PCSK5: variants seen among roughly 807,000 people sequenced by gnomAD.
PCSK5 encodes prohormone convertase 5.
Under a neutral mutation model 233.2 loss-of-function variants are expected in PCSK5, and 129 were observed. That is an observed-to-expected ratio of 0.55 (90% CI 0.48 to 0.64). PCSK5 has a LOEUF of 0.64. Ranked by LOEUF, PCSK5 falls within the 30% of genes least tolerant of loss-of-function variation. The probability of loss-of-function intolerance (pLI) is 0.00; values close to 1 mark genes in which losing one functional copy is unlikely to be tolerated. For synonymous variants in PCSK5, 825 were observed against 879.2 expected, an observed-to-expected ratio of 0.94 and a Z score of 1.09; for missense variants, 2,076 against 2,430.1, an observed-to-expected ratio of 0.85 and a Z score of 3.06.
chr9:76,295,467 A>C lies in PCSK5; in HGVS notation c.3322+56A>C. 3.2e-6 allele frequency: 5 copies of C among 1,546,582 alleles called. No individual in the cohort carries two copies. In the South Asian group the frequency reaches 5.7e-5, roughly 18 times the overall value. ...AGAACCAGGCACTGGAGCTCCACAC[A>C]GTCGGGGCCACAGGAGCGCACATGT... On this transcript the variant is annotated intron_variant, in intron 26 of 37. Coordinates refer to ENST00000674117, the MANE Select transcript of PCSK5 (RefSeq NM_001372043.1).
chr9:76,278,097 G>T (rs12335946), intron 24 of PCSK5, among the ~76,000 whole-genome samples: 5,582 of 152,250 alleles, frequency 0.037, 333 homozygotes, highest in African/African-American at 0.13. Flanking sequence ...GGGTGGACAT[G>T]CTGCTGCTAC....
chr9:75,918,061 T>A (rs183398390), intron 1 of PCSK5, among the ~76,000 whole-genome samples: 28 of 152,342 alleles, frequency 1.8e-4, no homozygotes, highest in Non-Finnish European at 2.6e-4. Flanking sequence ...TAACTATACT[T>A]CTTCTAATAC....
At chr9:76,262,220 C>A (rs984310625) in intron 24 of PCSK5, among the ~76,000 whole-genome samples, 1 of 152,066 alleles carries the variant, frequency 6.6e-6, no homozygotes, top group Non-Finnish European at 1.5e-5. Flanking sequence ...TTTATAGATT[C>A]AATGCCATCC....
intron 2 of PCSK5, among the ~76,000 whole-genome samples, chr9:75,982,357 G>T (rs757883846): frequency 2.0e-5 from 3 of 152,010 alleles, no homozygotes; most frequent in African/African-American, 7.2e-5. Context: ...TACTTCTTTC[G>T]TCCTTTTTAA....
chr9:76,118,497 C>T (rs188967920), intron 9 of PCSK5, among the ~76,000 whole-genome samples: 5 of 152,096 alleles, frequency 3.3e-5, no homozygotes, highest in African/African-American at 9.6e-5. Flanking sequence ...GAGCCTTTTT[C>T]ATCACAGTGG....
At chr9:75,975,339 A>C (rs572437279) in intron 2 of PCSK5, among the ~76,000 whole-genome samples, 1 of 152,112 alleles carries the variant, frequency 6.6e-6, no homozygotes, top group African/African-American at 2.4e-5. Context: ...CTCTCCATAG[A>C]AATATAGCTT....
At chr9:75,976,219 C>A (rs1826005689) in intron 2 of PCSK5, among the ~76,000 whole-genome samples, 2 of 151,514 alleles carry the variant, frequency 1.3e-5, no homozygotes, top group African/African-American at 2.4e-5. Flanking sequence ...TCATCACTGG[C>A]TTTTCCTGTT....
intron 2 of PCSK5, among the ~76,000 whole-genome samples, chr9:75,935,979 A>T (rs1824038133): frequency 6.6e-6 from 1 of 152,128 alleles, no homozygotes; most frequent in South Asian, 2.1e-4. Context: ...TTGGTTCTGG[A>T]CCTCTTCAAT....
chr9:76,033,596 TC>T (rs2131511119), intron 5 of PCSK5, among the ~76,000 whole-genome samples: 1 of 151,754 alleles, frequency 6.6e-6, no homozygotes, highest in East Asian at 1.9e-4. Context: ...AAAAAAAAAA[TC>T]TGACACTTTC....
At chr9:75,924,731 T>G (rs1271682331) in intron 1 of PCSK5, among the ~76,000 whole-genome samples, 2 of 152,226 alleles carry the variant, frequency 1.3e-5, no homozygotes, top group African/African-American at 4.8e-5. Context: ...GTACAACTCT[T>G]AGAAATACAG....
chr9:76,179,596 G>C lies in PCSK5; in HGVS notation c.1901G>C (p.Gly634Ala). 1.2e-6 allele frequency: 2 copies of C among 1,611,606 alleles called. No homozygotes were observed. Among genetic ancestry groups the C allele is most frequent in the South Asian group, 2.2e-5 (2 of 91,010 alleles). The change falls in exon 15 of 38, where the codon GGT becomes GCT. Residue 634 changes from glycine (G) to alanine (A), a missense_variant and splice_region_variant. Physicochemically the swap from Gly to Ala is moderately conservative, Grantham distance 60. Coordinates refer to ENST00000674117, the MANE Select transcript of PCSK5 (RefSeq NM_001372043.1). ...TATTGTTCTAATGTCTTTTGGAAAG[G>C]TCCCTGCGACCCTGAGTGCAGTGAG... The part of the protein sequence containing the change: ...TDDYGTEDYA[G>A]PCDPECSEVG...
rs1165009485 is a variant in PCSK5 at position 75,993,973 on chromosome 9, TATAA to T, written c.411+7731_411+7734del. 3.9e-5 allele frequency among the ~76,000 whole-genome samples: 6 copies of T among 152,310 alleles called. No individual in the cohort carries two copies. In the South Asian group the frequency reaches 8.3e-4, roughly 21 times the overall value. On this transcript the variant is annotated intron_variant, in intron 3 of 37. Coordinates refer to ENST00000674117, the MANE Select transcript of PCSK5 (RefSeq NM_001372043.1). Reference sequence around the variant, plus strand: ...TGTTCATAATAAACCATATCATTTATATAAATGGTTTAGGTGCAGTGAACAATTC... The same window carrying T: ...TGTTCATAATAAACCATATCATTTATATGGTTTAGGTGCAGTGAACAATTC...
intron 20 of PCSK5, among the ~76,000 whole-genome samples, chr9:76,214,216 T>C (rs1825435455): frequency 6.6e-6 from 1 of 151,672 alleles, no homozygotes; most frequent in Non-Finnish European, 1.5e-5. Context: ...TGCAAGAAAA[T>C]GGTAGGCAAG....
chr9:76,046,661 C>T (rs924347523), intron 5 of PCSK5, among the ~76,000 whole-genome samples: 11 of 145,980 alleles, frequency 7.5e-5, no homozygotes, highest in South Asian at 4.4e-4. Context: ...CCTGGGTTCA[C>T]GGCATTCTCC....
chr9:76,065,824 G>A (rs901207453), intron 5 of PCSK5, among the ~76,000 whole-genome samples: 4 of 152,046 alleles, frequency 2.6e-5, no homozygotes, highest in South Asian at 2.1e-4. Context: ...TATAGGGTGC[G>A]AGGTGGATGG....
chr9:75,979,692 CGTA>C (rs1446319872), intron 2 of PCSK5, among the ~76,000 whole-genome samples: 6 of 152,188 alleles, frequency 3.9e-5, no homozygotes, highest in Admixed American at 2.0e-4. Context: ...TCACATTGCC[CGTA>C]ATATCTTCTT....
At chr9:76,334,054 T>G (rs753162827) in intron 34 of PCSK5, among the ~76,000 whole-genome samples, 2 of 152,056 alleles carry the variant, frequency 1.3e-5, no homozygotes, top group Non-Finnish European at 2.9e-5. Flanking sequence ...AGAAGGCAAG[T>G]AGGAGCAAGT....
At chr9:76,116,499 A>T (rs1346958377) in intron 9 of PCSK5, among the ~76,000 whole-genome samples, 1 of 152,122 alleles carries the variant, frequency 6.6e-6, no homozygotes, top group South Asian at 2.1e-4. Context: ...TACATCAGAC[A>T]GTGACATCCT....
intron 2 of PCSK5, among the ~76,000 whole-genome samples, chr9:75,970,402 T>C (rs944379242): frequency 3.3e-5 from 5 of 152,190 alleles, no homozygotes; most frequent in Non-Finnish European, 7.3e-5. Context: ...ATTTCTATCA[T>C]CATTGCCAAG....
Sources: gnomAD v4.1 joint callset for allele counts (sites outside exome capture counted in the v4.1 genomes callset) on GRCh38, gnomAD v4.1.1 for gene constraint, MANE v1.5 for transcripts, NCBI Gene and HGNC (gene_info 2026-07-23, HGNC 2026-07-21) for gene names.